Variants in NEDD9 observed in about 807,000 individuals in gnomAD.
NEDD9 encodes neural precursor cell expressed, developmentally down-regulated 9.
NEDD9 carries 26 observed loss-of-function variants against 76.6 expected under a neutral mutation model. The observed-to-expected ratio is 0.34, with a 90% CI of 0.25 to 0.47. The LOEUF (loss-of-function observed/expected upper bound fraction) is 0.47. Among genes scored for constraint, NEDD9 ranks in the 20% least tolerant of loss-of-function variants. The pLI is 1.00. For missense variants in NEDD9, 937 were observed against 1,058.5 expected, an observed-to-expected ratio of 0.89 and a Z score of 1.59; for synonymous variants, 392 against 414.2, an observed-to-expected ratio of 0.95 and a Z score of 0.65.
intron 3 of NEDD9, among the ~76,000 whole-genome samples, chr6:11,285,363 A>G (rs550754308): frequency 6.6e-6 from 1 of 152,324 alleles, no homozygotes; most frequent in Admixed American, 6.5e-5. Flanking sequence ...AAATGGAGAG[A>G]TATAATGTGT....
intron 3 of NEDD9, among the ~76,000 whole-genome samples, chr6:11,288,748 A>G (rs1235513880): frequency 3.3e-5 from 5 of 152,192 alleles, no homozygotes; most frequent in African/African-American, 7.2e-5. Context: ...ATTTCATCCA[A>G]TCAGGCACAA....
intron 2 of NEDD9, chr6:11,200,090 T>C (rs562667700): frequency 9.1e-6 from 2 of 219,166 alleles, no homozygotes; most frequent in African/African-American, 4.6e-5. Context: ...GCATTTGCTA[T>C]TTTTTGCTGA....
intron 1 of NEDD9, among the ~76,000 whole-genome samples, chr6:11,231,888 A>G (rs1759479127): frequency 6.6e-6 from 1 of 152,076 alleles, no homozygotes; most frequent in Non-Finnish European, 1.5e-5. Flanking sequence ...CCCCATTCAA[A>G]CTCCAATAAA....
At chr6:11,188,153 C>G (rs916664232) in intron 6 of NEDD9, 65 bp downstream of exon 6, 1 of 1,208,778 alleles carries the variant, frequency 8.3e-7, no homozygotes, top group Non-Finnish European at 1.2e-6. Context: ...GAAGTGATAC[C>G]TTTCCTTAGT....
chr6:11,322,270 C>A (rs1228706514), intron 2 of NEDD9, among the ~76,000 whole-genome samples: 1 of 152,100 alleles, frequency 6.6e-6, no homozygotes, highest in Non-Finnish European at 1.5e-5. Context: ...GTGCAGCAAA[C>A]CACCATGGCA....
At chr6:11,375,544 T>G (rs970270678) in intron 1 of NEDD9, among the ~76,000 whole-genome samples, 7 of 152,164 alleles carry the variant, frequency 4.6e-5, no homozygotes, top group Non-Finnish European at 1.0e-4. Context: ...TGGGGCCTAG[T>G]AGGAGGTATT....
intron 3 of NEDD9, among the ~76,000 whole-genome samples, chr6:11,279,038 T>A (rs1481355405): frequency 6.6e-6 from 1 of 152,246 alleles, no homozygotes; most frequent in Non-Finnish European, 1.5e-5. Context: ...ATACTCATTA[T>A]TCTGAGCCAG....
chr6:11,350,241 G>A (rs529934306), intron 1 of NEDD9, among the ~76,000 whole-genome samples: 2 of 152,260 alleles, frequency 1.3e-5, no homozygotes, highest in East Asian at 3.9e-4. Flanking sequence ...CAGGATTTCA[G>A]TCTGACCTCA....
chr6:11,309,601 C>T (rs1370545943), intron 2 of NEDD9, among the ~76,000 whole-genome samples: 2 of 152,132 alleles, frequency 1.3e-5, no homozygotes, highest in East Asian at 1.9e-4. Context: ...TCGTATCAAT[C>T]GATATTCTCA....
intron 4 of NEDD9, among the ~76,000 whole-genome samples, chr6:11,191,553 T>C (rs1172873736): frequency 6.6e-6 from 1 of 152,318 alleles, no homozygotes; most frequent in East Asian, 1.9e-4. Flanking sequence ...TCTTTTTGGT[T>C]ATCACACCAG....
At chr6:11,232,712 T>A, upstream of NEDD9, 2 of 1,434,534 alleles carry the variant, frequency 1.4e-6, no homozygotes, top group Non-Finnish European at 1.8e-6. Context: ...CGGACCTCAT[T>A]TGCATGCCGC....
intron 1 of NEDD9, among the ~76,000 whole-genome samples, chr6:11,342,938 T>C (rs1205123511): frequency 6.6e-6 from 1 of 152,142 alleles, no homozygotes; most frequent in Non-Finnish European, 1.5e-5. Context: ...GTATCTGTGG[T>C]AGCTTGAGTG....
At chr6:11,185,747 TAA>T in intron 6 of NEDD9, 76 bp from the exon 7 acceptor site, 1 of 1,546,342 alleles carries the variant, frequency 6.5e-7, no homozygotes, top group Non-Finnish European at 8.8e-7. Flanking sequence ...GCCTTGGAGT[TAA>T]AAGACAGGGA....
chr6:11,311,727 G>T (rs1211477232), intron 2 of NEDD9, among the ~76,000 whole-genome samples: 1 of 152,194 alleles, frequency 6.6e-6, no homozygotes, highest in South Asian at 2.1e-4. Context: ...TACAGACTGG[G>T]TCGGGTGCAG....
rs140469277 is a variant in NEDD9, at chr6:11,278,256, G to A, written c.12+27736C>T. On this transcript the variant is annotated intron_variant, in intron 3 of 3. Coordinates refer to the NEDD9 transcript ENST00000397378. ...CCTCTCCTCCTTGTTCATCTGAAGC[G>A]AATTCTGTACCCTGCCAGACCCTGC... Among the ~76,000 whole-genome samples, 324 of 152,244 alleles carry A rather than the reference G, an allele frequency of 2.1e-3. 2 individuals are homozygous for A. The highest frequency in any genetic ancestry group is 0.014 in the Middle Eastern group (4 of 294).
intron 1 of NEDD9, among the ~76,000 whole-genome samples, chr6:11,366,338 G>GAGAA (rs768373358): frequency 7.6e-6 from 1 of 131,694 alleles, no homozygotes; most frequent in Non-Finnish European, 1.6e-5. Context: ...GAAAGACAGA[G>GAGAA]AGAAAGAAAG....
chr6:11,232,313 C>G (rs114543180), intron 1 of NEDD9, among the ~76,000 whole-genome samples, 191 bp downstream of exon 1: 40 of 152,192 alleles, frequency 2.6e-4, no homozygotes, highest in African/African-American at 9.4e-4. Context: ...ACTGTGAACC[C>G]CTGGAGTGGG....
At chr6:11,211,746 C>T (rs374797520) in intron 2 of NEDD9, among the ~76,000 whole-genome samples, 167 of 152,346 alleles carry the variant, frequency 1.1e-3, no homozygotes, top group African/African-American at 3.1e-3. Flanking sequence ...TCCCTCTTAA[C>T]GAACCTACGC....
intron 3 of NEDD9, among the ~76,000 whole-genome samples, chr6:11,289,827 G>A (rs1219279814): frequency 6.6e-6 from 1 of 152,080 alleles, no homozygotes; most frequent in East Asian, 1.9e-4. Context: ...AAGGAGAGAA[G>A]GAGATCTCAG....
Sources: gnomAD v4.1 joint callset for allele counts (sites outside exome capture counted in the v4.1 genomes callset) on GRCh38, gnomAD v4.1.1 for gene constraint, MANE v1.5 for transcripts, NCBI Gene and HGNC (gene_info 2026-07-23, HGNC 2026-07-21) for gene names.